The following NIPBL variants were observed in gnomAD, a reference collection of about 807,000 sequenced individuals.
The protein encoded by NIPBL is nipped-B-like protein.
NIPBL carries 19 observed loss-of-function variants against 321.8 expected under a neutral mutation model. The ratio of observed to expected loss-of-function variants is 0.06; its 90% CI spans 0.04 to 0.09. The LOEUF (loss-of-function observed/expected upper bound fraction) is 0.09, where lower values mean the gene tolerates loss of function less well. Among genes scored for constraint, NIPBL ranks in the 10% least tolerant of loss-of-function variants. The pLI, the probability that NIPBL is intolerant of heterozygous loss-of-function variation, is 1.00. For missense variants in NIPBL, 2,210 were observed against 3,327.0 expected, an observed-to-expected ratio of 0.66 and a Z score of 8.26; for synonymous variants, 1,106 against 1,114.1, an observed-to-expected ratio of 0.99 and a Z score of 0.14.
chr5:36,941,822 T>C (rs905448329), intron 1 of NIPBL, among the ~76,000 whole-genome samples: 1 of 152,186 alleles, frequency 6.6e-6, no homozygotes, highest in African/African-American at 2.4e-5. Flanking sequence ...ACTAAATTTT[T>C]AAAAGTTTAT....
chr5:37,051,967 A>G, intron 41 of NIPBL, 81 bp downstream of exon 41: 1 of 981,014 alleles, frequency 1.0e-6, no homozygotes, highest in Non-Finnish European at 1.6e-6. Flanking sequence ...CTCTGCCCAC[A>G]TTCATAATTG....
chr5:36,876,941 CCCGGTAGCT>C lies in NIPBL; in HGVS notation c.-315_-307del. 2.5e-6 allele frequency: 1 copy of C among 395,900 alleles called. No homozygotes were observed. 24.5% of individuals were successfully genotyped at this position (395,900 alleles called of 1,614,324 possible). A position where few individuals can be genotyped will look rare whatever the true frequency, so the allele number is the denominator to read the frequency against. On this transcript the variant is annotated 5_prime_UTR_variant, in exon 1 of 47. The change abolishes the stop of an existing upstream ORF in the 5' untranslated region. Transcript: ENST00000282516. ...GTTCCCGGGCCCGCGGCGATGCCCC[CCCGGTAGCT>C]CGGGCCCGTGGTCGGGTGTTTGTGA...
chr5:36,986,763 G>A, intron 10 of NIPBL, among the ~76,000 whole-genome samples: 1 of 152,006 alleles, frequency 6.6e-6, no homozygotes, highest in East Asian at 1.9e-4. Context: ...ATTTTGTTGG[G>A]GAGATGGTTA....
chr5:37,000,675 C>T, intron 12 of NIPBL, 105 bp downstream of exon 12: 1 of 1,335,562 alleles, frequency 7.5e-7, no homozygotes, highest in Non-Finnish European at 1.1e-6. Flanking sequence ...AACTAATTTT[C>T]AATTAAGACA....
intron 32 of NIPBL, among the ~76,000 whole-genome samples, chr5:37,035,455 T>C (rs1177981892): frequency 6.6e-6 from 1 of 152,236 alleles, no homozygotes; most frequent in African/African-American, 2.4e-5. Flanking sequence ...TCAGTTGTTT[T>C]AATCATTTAT....
At chr5:36,970,389 A>G (rs982219728) in intron 6 of NIPBL, among the ~76,000 whole-genome samples, 13 of 143,634 alleles carry the variant, frequency 9.1e-5, no homozygotes, top group Non-Finnish European at 1.9e-4. Context: ...TAAAAAAAAT[A>G]AATAAATAAA....
intron 1 of NIPBL, among the ~76,000 whole-genome samples, chr5:36,902,915 C>T (rs1561366955): frequency 6.6e-6 from 1 of 151,990 alleles, no homozygotes; most frequent in East Asian, 1.9e-4. Context: ...AATGTTTTTC[C>T]ACCTGTTTTT....
At chr5:36,911,556 G>T (rs760614925) in intron 1 of NIPBL, among the ~76,000 whole-genome samples, 32 of 151,852 alleles carry the variant, frequency 2.1e-4, no homozygotes, top group Non-Finnish European at 4.3e-4. Context: ...TATAAATTAT[G>T]TGTGTGCTTA....
chr5:36,919,615 A>G (rs1748761927), intron 1 of NIPBL, among the ~76,000 whole-genome samples: 1 of 152,242 alleles, frequency 6.6e-6, no homozygotes, highest in Admixed American at 6.5e-5. Flanking sequence ...CAATATTGCA[A>G]TAGAAAAGGA....
At chr5:36,942,316 G>A (rs1047145957) in intron 1 of NIPBL, among the ~76,000 whole-genome samples, 7 of 149,928 alleles carry the variant, frequency 4.7e-5, no homozygotes, top group Non-Finnish European at 1.0e-4. Context: ...CCTGTAATCC[G>A]AGCTACTCAG....
intron 1 of NIPBL, among the ~76,000 whole-genome samples, chr5:36,903,452 A>G (rs1026314131): frequency 1.3e-5 from 2 of 152,094 alleles, no homozygotes; most frequent in East Asian, 1.9e-4. Context: ...AAACTTTAAT[A>G]TATTAGTAAT....
chr5:36,952,053 TGCGCGCGCGCGC>T (rs1554010277), intron 1 of NIPBL, among the ~76,000 whole-genome samples: 7 of 112,114 alleles, frequency 6.2e-5, no homozygotes, highest in Admixed American at 8.9e-5. Flanking sequence ...TGTGTGTGTG[TGCGCGCGCGCGC>T]GCGCGCGCAT....
chr5:36,917,057 A>G (rs1474895392), intron 1 of NIPBL, among the ~76,000 whole-genome samples: 1 of 152,158 alleles, frequency 6.6e-6, no homozygotes, highest in African/African-American at 2.4e-5. Flanking sequence ...CTAATTCTAG[A>G]TCCTTGAAGA....
rs1749063552 is a variant in NIPBL at position 37,016,936 on chromosome 5, T to G, written c.4777-83T>G. On this transcript the variant is annotated intron_variant, in intron 23 of 46. Transcript: ENST00000282516. ...AGTTTAAATTTTAAATTATACAATT[T>G]AGATTGGGAATTTATATGATAAATT... 2.9e-5 allele frequency: 29 copies of G among 1,010,334 alleles called. 2 individuals are homozygous for G. In the East Asian group the frequency reaches 7.4e-4, roughly 26 times the overall value. 62.6% of individuals were successfully genotyped at this position (1,010,334 alleles called of 1,614,324 possible).
chr5:37,023,089 A>G (rs1188765158), intron 29 of NIPBL, among the ~76,000 whole-genome samples: 2 of 152,232 alleles, frequency 1.3e-5, no homozygotes, highest in African/African-American at 4.8e-5. Context: ...CTCAATGACA[A>G]GAGTTTATTT....
intron 1 of NIPBL, chr5:36,885,149 G>C (rs1291800878): frequency 4.4e-6 from 2 of 453,882 alleles, no homozygotes; most frequent in African/African-American, 2.1e-5. Context: ...CATAAAAAAT[G>C]CTATTCAGGG....
In NIPBL at chr5:36,996,908, T is replaced by C. The variant is rs1746184882; in HGVS notation, c.3304+1104T>C. 1 of 164,150 alleles carries C rather than the reference T, an allele frequency of 6.1e-6. No individual in the cohort carries two copies. The highest frequency in any genetic ancestry group is 1.6e-4 in the South Asian group (1 of 6,102). 10.2% of individuals were successfully genotyped at this position (164,150 alleles called of 1,614,324 possible). The stretch of plus-strand genomic sequence containing the variant: ...TTAATGTTAATTTACTGATTTTTTT[T>C]TAATTGTGAGCTCTTGAGCTATGAG... On this transcript the variant is annotated intron_variant, in intron 11 of 46. Transcript: ENST00000282516. The surrounding 1 kb of genome is among the most constrained non-coding windows in gnomAD (Gnocchi z 5.0).
chr5:36,981,136 A>G (rs1744086950), intron 9 of NIPBL, among the ~76,000 whole-genome samples: 1 of 151,732 alleles, frequency 6.6e-6, no homozygotes, highest in South Asian at 2.1e-4. Flanking sequence ...CAACTGTTGT[A>G]TTACTACTGG....
At chr5:36,900,713 G>A (rs1187734956) in intron 1 of NIPBL, among the ~76,000 whole-genome samples, 2 of 151,960 alleles carry the variant, frequency 1.3e-5, no homozygotes, top group African/African-American at 4.8e-5. Context: ...AAGAAATGAA[G>A]TTGCGAGAGG....
Sources: allele counts gnomAD v4.1 joint callset (sites outside exome capture counted in the v4.1 genomes callset), GRCh38; gene constraint gnomAD v4.1.1; non-coding constraint Gnocchi (gnomAD v3.1); transcripts MANE v1.5; gene names NCBI Gene and HGNC (gene_info 2026-07-23, HGNC 2026-07-21).